The following ZPBP variants were observed in gnomAD, a reference collection of about 807,000 sequenced individuals.
ZPBP encodes zona pellucida binding protein, also known as zona pellucida-binding protein 1.
A neutral mutation model predicts 44.8 loss-of-function variants in ZPBP; 26 were observed. The observed-to-expected ratio is 0.58, with a 90% CI of 0.43 to 0.81. The LOEUF (loss-of-function observed/expected upper bound fraction) is 0.81. ZPBP is among the 30% of genes least tolerant of loss of function. ZPBP has a pLI of 0.00. For missense variants in ZPBP, 409 were observed against 434.0 expected, an observed-to-expected ratio of 0.94 and a Z score of 0.51; for synonymous variants, 174 against 153.2, an observed-to-expected ratio of 1.14 and a Z score of -1.00.
At chr7:49,935,396 T>C (rs986220241), downstream of ZPBP, among the ~76,000 whole-genome samples, 1 of 152,104 alleles carries the variant, frequency 6.6e-6, no homozygotes, top group African/African-American at 2.4e-5. Context: ...TATTTATTTA[T>C]TATTAATATT....
intron 1 of ZPBP, chr7:49,918,550 C>T (rs529601793): frequency 6.6e-6 from 1 of 152,102 alleles, no homozygotes; most frequent in Non-Finnish European, 1.5e-5. Context: ...AGTATTGAAG[C>T]ATCAGGTTGT....
At chr7:49,849,648 C>T (rs1790095582), downstream of ZPBP, among the ~76,000 whole-genome samples, 1 of 152,228 alleles carries the variant, frequency 6.6e-6, no homozygotes, top group African/African-American at 2.4e-5. Context: ...TAGATAGAGT[C>T]TAACGCTGGG....
intron 2 of ZPBP, among the ~76,000 whole-genome samples, chr7:49,880,450 G>A (rs998068987): frequency 6.6e-6 from 1 of 151,762 alleles, no homozygotes; most frequent in Admixed American, 6.6e-5. Context: ...TTGACCTGGA[G>A]TTTTCCTTGT....
At chr7:50,069,542 T>G (rs1336679225) in intron 3 of ZPBP, among the ~76,000 whole-genome samples, 1 of 152,190 alleles carries the variant, frequency 6.6e-6, no homozygotes, top group Non-Finnish European at 1.5e-5. Context: ...CACGACCAAT[T>G]TCTCTATAGT....
At chr7:50,086,873 C>T (rs552161128) in intron 2 of ZPBP, among the ~76,000 whole-genome samples, 1 of 152,014 alleles carries the variant, frequency 6.6e-6, no homozygotes, top group East Asian at 1.9e-4. Context: ...TAAAGGAAAT[C>T]CATAGCCAGA....
At chr7:50,023,352 A>G (rs1584063683) in intron 5 of ZPBP, among the ~76,000 whole-genome samples, 2 of 152,082 alleles carry the variant, frequency 1.3e-5, no homozygotes, top group East Asian at 3.9e-4. Context: ...GTTCCGTATA[A>G]TGCCATGGTG....
chr7:50,012,598 A>G (rs909176784), intron 6 of ZPBP, among the ~76,000 whole-genome samples: 3 of 148,992 alleles, frequency 2.0e-5, no homozygotes, highest in Non-Finnish European at 4.4e-5. Context: ...TGAAAAATGT[A>G]ACACCCATTT....
intron 1 of ZPBP, among the ~76,000 whole-genome samples, chr7:49,923,589 T>C (rs1299391049): frequency 1.4e-5 from 2 of 145,502 alleles, no homozygotes; most frequent in African/African-American, 5.2e-5. Context: ...CTATCTTAAT[T>C]CTGTGTGTTT....
chr7:49,872,052 C>G lies in ZPBP; in HGVS notation n.510-21538G>C, dbSNP rs879745590. Among the ~76,000 whole-genome samples the G allele has an allele frequency of 2.7e-5, 4 of 148,380 alleles. No homozygotes were observed. In the Admixed American group the frequency reaches 2.7e-4, roughly 10 times the overall value. ...TATAGAAAAAAATTAATAAACTAAA[C>G]AAAACTAAGTAGATGAATAATATAT... On this transcript the variant is annotated intron_variant and non_coding_transcript_variant, in intron 2 of 2. Transcript: ENST00000465922.
intron 1 of ZPBP, among the ~76,000 whole-genome samples, chr7:49,931,617 G>A (rs1275918168): frequency 6.6e-6 from 1 of 152,188 alleles, no homozygotes; most frequent in Non-Finnish European, 1.5e-5. Context: ...GATCATAAAA[G>A]TTTGGAAAAT....
intron 6 of ZPBP, among the ~76,000 whole-genome samples, chr7:49,999,110 G>A (rs185310019): frequency 6.6e-6 from 1 of 151,780 alleles, no homozygotes; most frequent in Non-Finnish European, 1.5e-5. Flanking sequence ...AACACTTCTG[G>A]TCCCAAGCAT....
chr7:50,071,508 A>G (rs1325063000), intron 3 of ZPBP, among the ~76,000 whole-genome samples: 2 of 152,168 alleles, frequency 1.3e-5, no homozygotes, highest in African/African-American at 2.4e-5. Context: ...GAGGGGGCAC[A>G]CACCTGGTGA....
intron 2 of ZPBP, among the ~76,000 whole-genome samples, chr7:49,856,077 C>G (rs73111311): frequency 0.018 from 2,781 of 152,184 alleles, 33 homozygotes; most frequent in Non-Finnish European, 0.028. Context: ...CCCTTCTGTC[C>G]CCGGAAACAC....
In ZPBP at chr7:49,999,521, C is replaced by T. The variant is rs148502228; in HGVS notation, c.784-16002G>A. The stretch of plus-strand genomic sequence containing the variant: ...GAAGGACAAGAAGTCCCACACTTTA[C>T]CATCTGCAAGCTGGAGAACCAGAAA... On this transcript the variant is annotated intron_variant, in intron 6 of 7. Coordinates refer to ENST00000046087, the MANE Select transcript of ZPBP (RefSeq NM_007009.3). 2.0e-3 allele frequency among the ~76,000 whole-genome samples: 303 copies of T among 152,136 alleles called. 1 individual carries two copies. The highest frequency in any genetic ancestry group is 7.0e-3 in the African/African-American group (292 of 41,516).
chr7:50,056,693 G>A (rs1014805133), intron 4 of ZPBP, among the ~76,000 whole-genome samples: 2 of 152,230 alleles, frequency 1.3e-5, no homozygotes, highest in East Asian at 3.9e-4. Context: ...GTGTCATCTC[G>A]GACAAACACC....
intron 2 of ZPBP, among the ~76,000 whole-genome samples, chr7:50,082,272 C>T (rs903973164): frequency 3.3e-5 from 5 of 151,572 alleles, no homozygotes; most frequent in East Asian, 1.9e-4. Flanking sequence ...AGACACCAAA[C>T]ATGATTAGAG....
intron 3 of ZPBP, among the ~76,000 whole-genome samples, chr7:50,076,058 A>C (rs1802061373): frequency 6.6e-6 from 1 of 151,994 alleles, no homozygotes; most frequent in Non-Finnish European, 1.5e-5. Context: ...ATTTATCATT[A>C]CCAAGTGGGA....
At chr7:50,068,587 C>T (rs1028959315) in intron 3 of ZPBP, among the ~76,000 whole-genome samples, 4 of 152,132 alleles carry the variant, frequency 2.6e-5, no homozygotes, top group Non-Finnish European at 4.4e-5. Context: ...GCGTTCATGC[C>T]TCCTTGCAAA....
intron 3 of ZPBP, among the ~76,000 whole-genome samples, chr7:50,071,949 G>A (rs1361305448): frequency 6.6e-6 from 1 of 152,208 alleles, no homozygotes; most frequent in Non-Finnish European, 1.5e-5. Context: ...ATGACCAGCT[G>A]TGGTGGCTAT....
Sources: gnomAD v4.1 joint callset for allele counts (sites outside exome capture counted in the v4.1 genomes callset) on GRCh38, gnomAD v4.1.1 for gene constraint, MANE v1.5 for transcripts, NCBI Gene and HGNC (gene_info 2026-07-23, HGNC 2026-07-21) for gene names.